Variants in DNAH6 observed in about 807,000 individuals in gnomAD.
DNAH6 encodes axonemal beta dynein heavy chain 6.
Under a neutral mutation model 491.4 loss-of-function variants are expected in DNAH6, and 340 were observed. The ratio of observed to expected loss-of-function variants is 0.69; its 90% CI spans 0.63 to 0.76. The LOEUF is 0.76. Among genes scored for constraint, DNAH6 ranks in the 30% least tolerant of loss-of-function variants. The probability of loss-of-function intolerance (pLI) is 0.00; values close to 1 mark genes in which losing one functional copy is unlikely to be tolerated. For synonymous variants in DNAH6, 1,603 were observed against 1,686.1 expected (o/e 0.95, Z 1.21); for missense variants, 4,443 against 4,972.2 (o/e 0.89, Z 3.20).
At chr2:84,773,394 T>TATATTCCTTTATGTGGTTGCATC (rs1198872046) in intron 64 of DNAH6, among the ~76,000 whole-genome samples, 1 of 152,094 alleles carries the variant, frequency 6.6e-6, no homozygotes, top group Non-Finnish European at 1.5e-5. Context: ...AGGACCTGAT[T>TATATTCCTTTATGTGGTTGCATC]ATATTCCTTT....
intron 11 of DNAH6, among the ~76,000 whole-genome samples, chr2:84,566,362 G>T (rs74494728): frequency 0.029 from 4,370 of 151,996 alleles, 229 homozygotes; most frequent in African/African-American, 0.1. Flanking sequence ...AGCAAAGCAG[G>T]TAATATATTT....
At chr2:84,526,947 G>A (rs903214142) in intron 3 of DNAH6, among the ~76,000 whole-genome samples, 1 of 152,100 alleles carries the variant, frequency 6.6e-6, no homozygotes, top group African/African-American at 2.4e-5. Context: ...GGAATATTAG[G>A]TTGTGAGCTA....
chr2:84,522,175 G>C (rs148767331), intron 2 of DNAH6, among the ~76,000 whole-genome samples: 40 of 152,124 alleles, frequency 2.6e-4, no homozygotes, highest in African/African-American at 9.2e-4. Context: ...AATTTTCATT[G>C]TAGAGAACTT....
intron 30 of DNAH6, 85 bp from the exon 31 acceptor site, chr2:84,637,125 A>G (rs954845058): frequency 7.6e-6 from 9 of 1,188,944 alleles, no homozygotes; most frequent in Admixed American, 5.4e-5. Flanking sequence ...GCTTCATTAC[A>G]TGAGTCTTGT....
chr2:84,709,274 C>T, intron 54 of DNAH6, 69 bp from the exon 55 acceptor site: 5 of 1,484,682 alleles, frequency 3.4e-6, no homozygotes, highest in East Asian at 2.5e-5. Flanking sequence ...CTGCCCACCA[C>T]ATTTTGCATG....
intron 32 of DNAH6, 25 bp downstream of exon 32, chr2:84,640,603 T>C: frequency 4.6e-6 from 7 of 1,536,192 alleles, no homozygotes; most frequent in Non-Finnish European, 6.1e-6. Context: ...TAGTCAAGAG[T>C]GAAATCCCAA....
Position 84,816,073 on chromosome 2 carries a change from C to T in DNAH6, c.12363C>T (p.Leu4121=). Residue 4121 remains leucine (L), a synonymous_variant, in exon 76 of 77, where the codon CTC becomes CTT. Coordinates refer to ENST00000389394, the MANE Select transcript of DNAH6 (RefSeq NM_001370.2). ...AAACAGGAGCCCGGGCAGGAACACT[C>T]TCAACCACAGGTGAGGATGTTCTTA... The part of the protein sequence containing the change: ...LYKTGARAGT[L]STTGHSTNFV... The T allele has an allele frequency of 6.5e-7, 1 of 1,549,974 alleles. No individual in the cohort carries two copies. Among genetic ancestry groups the T allele is most frequent in the Admixed American group, 2.0e-5 (1 of 50,904 alleles).
the DNAH6 span, among the ~76,000 whole-genome samples, chr2:84,461,824 C>T: frequency 6.5e-3 from 994 of 152,276 alleles, 7 homozygotes; most frequent in African/African-American, 0.022. Context: ...GACAACAAGC[C>T]TTACCTCCAC....
intron 51 of DNAH6, among the ~76,000 whole-genome samples, chr2:84,705,064 C>A (rs6721544): frequency 5.3e-5 from 8 of 152,020 alleles, no homozygotes; most frequent in African/African-American, 1.9e-4. Context: ...GTAGGAAGAT[C>A]AATCTGGCAA....
intron 11 of DNAH6, among the ~76,000 whole-genome samples, chr2:84,563,320 G>A (rs1263416671): frequency 6.6e-6 from 1 of 152,130 alleles, no homozygotes; most frequent in Non-Finnish European, 1.5e-5. Context: ...GCTTTCTATA[G>A]TGGATGAACT....
intron 3 of DNAH6, among the ~76,000 whole-genome samples, chr2:84,525,975 T>C (rs945245373): frequency 1.2e-4 from 18 of 152,186 alleles, no homozygotes; most frequent in African/African-American, 4.3e-4. Flanking sequence ...TTTTGTATGA[T>C]AAAGAAGATA....
chr2:84,564,227 G>A (rs1210209771), intron 11 of DNAH6, among the ~76,000 whole-genome samples: 1 of 151,960 alleles, frequency 6.6e-6, no homozygotes, highest in Non-Finnish European at 1.5e-5. Flanking sequence ...TTCTAATTCT[G>A]TGAAAAAAGA....
In DNAH6 at chr2:84,701,255, G is replaced by A. The variant is rs1474629677; in HGVS notation, c.7977G>A (p.Arg2659=). ...GCTATTACAATGAGCTGCGCAGGCG[G>A]TACTACACGACACCCACCTCCTACC... ...AERYYNELRR[R]YYTTPTSYLE... Residue 2659 remains arginine (R), a synonymous_variant, in exon 49 of 77, where the codon CGG becomes CGA. Coordinates refer to ENST00000389394, the MANE Select transcript of DNAH6 (RefSeq NM_001370.2). The A allele has an allele frequency of 5.2e-6, 8 of 1,551,752 alleles. No homozygotes were observed. Among genetic ancestry groups the A allele is most frequent in the Non-Finnish European group, 7.0e-6 (8 of 1,147,012 alleles).
intron 18 of DNAH6, among the ~76,000 whole-genome samples, chr2:84,602,918 A>G (rs1405969790): frequency 6.9e-6 from 1 of 143,888 alleles, no homozygotes; most frequent in East Asian, 2.1e-4. Flanking sequence ...GGCATTCTTT[A>G]TCTCTTATAC....
intron 29 of DNAH6, among the ~76,000 whole-genome samples, 184 bp downstream of exon 29, chr2:84,625,247 G>A (rs914224711): frequency 6.6e-6 from 1 of 152,106 alleles, no homozygotes; most frequent in South Asian, 2.1e-4. Flanking sequence ...GGTGGTCTGG[G>A]TAGTCTGGAT....
chr2:84,565,977 A>G (rs566425027), intron 11 of DNAH6, among the ~76,000 whole-genome samples: 20 of 151,910 alleles, frequency 1.3e-4, no homozygotes, highest in African/African-American at 4.1e-4. Flanking sequence ...TTTTGAGCCT[A>G]TGGGTGTTGT....
chr2:84,463,529 C>T, the DNAH6 span, among the ~76,000 whole-genome samples: 1 of 152,156 alleles, frequency 6.6e-6, no homozygotes, highest in Non-Finnish European at 1.5e-5. Context: ...CAGTACTATC[C>T]AGTTTCTTGT....
intron 24 of DNAH6, 55 bp downstream of exon 24, chr2:84,619,959 G>A: frequency 7.1e-7 from 1 of 1,409,230 alleles, no homozygotes; most frequent in East Asian, 2.5e-5. Context: ...CTCCTCTAGG[G>A]TTATTCTCAC....
intron 63 of DNAH6, among the ~76,000 whole-genome samples, chr2:84,757,066 A>C (rs1674104929): frequency 6.6e-6 from 1 of 152,222 alleles, no homozygotes; most frequent in African/African-American, 2.4e-5. Flanking sequence ...ATCTTTAAGA[A>C]ATGCCTGTAT....
Sources: gnomAD v4.1 joint callset for allele counts (sites outside exome capture counted in the v4.1 genomes callset) on GRCh38, gnomAD v4.1.1 for gene constraint, MANE v1.5 for transcripts, NCBI Gene and HGNC (gene_info 2026-07-23, HGNC 2026-07-21) for gene names.